LSAMP: variants seen among roughly 807,000 people sequenced by gnomAD.
The protein encoded by LSAMP is limbic system-associated membrane protein.
LSAMP carries 7 observed loss-of-function variants against 38.6 expected under a neutral mutation model. The observed-to-expected ratio is 0.18, with a 90% CI of 0.10 to 0.34. The LOEUF (loss-of-function observed/expected upper bound fraction) is 0.34, where lower values mean the gene tolerates loss of function less well. Ranked by LOEUF, LSAMP falls within the 10% of genes least tolerant of loss-of-function variation. The pLI is 1.00. For missense variants in LSAMP, 313 were observed against 420.0 expected (o/e 0.75, Z 2.23); for synonymous variants, 154 against 166.8 (o/e 0.92, Z 0.59).
chr3:116,079,680 T>C (rs1236951410), intron 2 of LSAMP, among the ~76,000 whole-genome samples: 3 of 151,018 alleles, frequency 2.0e-5, no homozygotes, highest in African/African-American at 7.3e-5. Context: ...TTGTATTTTG[T>C]ATACTTAAAT....
chr3:115,938,173 GA>G (rs748608244), intron 3 of LSAMP, among the ~76,000 whole-genome samples: 2 of 152,086 alleles, frequency 1.3e-5, no homozygotes, highest in African/African-American at 2.4e-5. Flanking sequence ...GTCCAAAACA[GA>G]AAATGAATAG....
intron 3 of LSAMP, among the ~76,000 whole-genome samples, chr3:115,899,505 A>G (rs532317129): frequency 3.3e-5 from 5 of 152,278 alleles, no homozygotes; most frequent in African/African-American, 1.2e-4. Context: ...AGCTGTGATT[A>G]CCCTTGTATA....
chr3:116,275,370 G>A (rs1308964608), intron 1 of LSAMP, among the ~76,000 whole-genome samples: 1 of 151,978 alleles, frequency 6.6e-6, no homozygotes, highest in Non-Finnish European at 1.5e-5. Context: ...CCACATTTTT[G>A]TTTTCTCTAT....
rs185570450 is a variant in LSAMP at position 116,393,483 on chromosome 3, C to T, written c.155+51394G>A. On this transcript the variant is annotated intron_variant, in intron 1 of 6. Coordinates refer to ENST00000490035, the MANE Select transcript of LSAMP (RefSeq NM_002338.5). ...CCTGGACCCCACGCTTGCTCACATA[C>T]CCCTCACTGCCCCATGTCTGACTTA... Among the ~76,000 whole-genome samples the T allele has an allele frequency of 1.9e-3, 290 of 152,300 alleles. 1 individual carries two copies. The highest frequency in any genetic ancestry group is 3.4e-3 in the Middle Eastern group (1 of 294).
At chr3:115,910,008 G>A (rs1257403792) in intron 3 of LSAMP, among the ~76,000 whole-genome samples, 1 of 152,148 alleles carries the variant, frequency 6.6e-6, no homozygotes, top group Non-Finnish European at 1.5e-5. Context: ...GCTCATATCA[G>A]TGTTGTTGGT....
chr3:116,225,295 A>G (rs1217253272), intron 1 of LSAMP, among the ~76,000 whole-genome samples: 2 of 152,264 alleles, frequency 1.3e-5, no homozygotes, highest in Non-Finnish European at 2.9e-5. Context: ...ATAGCAGAGG[A>G]CATTTTAAAC....
At position 116,153,554 on chromosome 3, in the gene LSAMP, T is replaced by C. The variant is rs144602723; in HGVS notation, c.156-66998A>G. 2.0e-5 allele frequency among the ~76,000 whole-genome samples: 3 copies of C among 152,256 alleles called. No individual in the cohort carries two copies. In the East Asian group the frequency reaches 5.8e-4, roughly 29 times the overall value. ...GAAAGACCACACATATCTCACAAAT[T>C]CGTGGAAAACTATGTGTCCTCATAT... On this transcript the variant is annotated intron_variant, in intron 1 of 6. Transcript: ENST00000490035.
chr3:116,142,684 C>T (rs1003671327), intron 1 of LSAMP, among the ~76,000 whole-genome samples: 1 of 151,940 alleles, frequency 6.6e-6, no homozygotes, highest in East Asian at 1.9e-4. Flanking sequence ...AGTTTAAAAT[C>T]CTCTCATCAT....
intron 1 of LSAMP, among the ~76,000 whole-genome samples, chr3:116,373,229 A>C (rs564623217): frequency 6.6e-6 from 1 of 151,600 alleles, no homozygotes; most frequent in Non-Finnish European, 1.5e-5. Flanking sequence ...ATATATATAT[A>C]TATGCACACA....
At chr3:116,399,763 TG>T (rs947196251) in intron 1 of LSAMP, among the ~76,000 whole-genome samples, 1 of 152,214 alleles carries the variant, frequency 6.6e-6, no homozygotes, top group African/African-American at 2.4e-5. Flanking sequence ...CAAACGCTAC[TG>T]ACCAGCAGTC....
chr3:115,970,541 T>C (rs543736641), intron 3 of LSAMP, among the ~76,000 whole-genome samples: 1 of 152,246 alleles, frequency 6.6e-6, no homozygotes, highest in African/African-American at 2.4e-5. Context: ...TTTCATGCCC[T>C]TGGACCTTAG....
rs186411412 is a variant in LSAMP at position 116,096,085 on chromosome 3, C to A, written c.156-9529G>T. Among the ~76,000 whole-genome samples the A allele has an allele frequency of 8.8e-4, 134 of 152,194 alleles. 1 individual carries two copies. The highest frequency in any genetic ancestry group is 3.2e-3 in the African/African-American group (132 of 41,522). On this transcript the variant is annotated intron_variant, in intron 1 of 6. Coordinates refer to ENST00000490035, the MANE Select transcript of LSAMP (RefSeq NM_002338.5). ...CATAGTATCTACCTTGTTTGGCACTCGTAATGTTTAAAAGGGTTTTAAAAA... is the reference window on the plus strand; with the variant it reads ...CATAGTATCTACCTTGTTTGGCACTAGTAATGTTTAAAAGGGTTTTAAAAA...
intron 3 of LSAMP, among the ~76,000 whole-genome samples, chr3:115,966,665 C>G (rs4306853): frequency 0.26 from 38,909 of 152,022 alleles, 5,897 homozygotes; most frequent in African/African-American, 0.44. Context: ...ATGTTTTTAT[C>G]CAATGAACTA....
At chr3:116,396,947 T>C (rs2048775941) in intron 1 of LSAMP, among the ~76,000 whole-genome samples, 2 of 152,318 alleles carry the variant, frequency 1.3e-5, no homozygotes, top group South Asian at 4.1e-4. Flanking sequence ...AAATTCAAAA[T>C]ACGATCAATT....
chr3:116,367,091 C>A (rs1433265870), intron 1 of LSAMP, among the ~76,000 whole-genome samples: 1 of 152,116 alleles, frequency 6.6e-6, no homozygotes, highest in Non-Finnish European at 1.5e-5. Context: ...CAAACCATTC[C>A]ATAACGATCG....
intron 3 of LSAMP, among the ~76,000 whole-genome samples, chr3:115,864,615 G>C (rs938362323): frequency 1.3e-5 from 2 of 152,130 alleles, no homozygotes; most frequent in African/African-American, 4.8e-5. Context: ...TCTAGCTCAA[G>C]TCTTCTAAAC....
At chr3:116,128,497 C>T (rs1709055847) in intron 1 of LSAMP, among the ~76,000 whole-genome samples, 1 of 152,200 alleles carries the variant, frequency 6.6e-6, no homozygotes, top group Non-Finnish European at 1.5e-5. Context: ...TGGGTTTGAT[C>T]ATGTCATTCA....
At chr3:116,258,419 T>C (rs2046783333) in intron 1 of LSAMP, among the ~76,000 whole-genome samples, 1 of 152,058 alleles carries the variant, frequency 6.6e-6, no homozygotes, top group Non-Finnish European at 1.5e-5. Flanking sequence ...ATTTCCTCCA[T>C]TTTAAAAATT....
intron 3 of LSAMP, among the ~76,000 whole-genome samples, chr3:116,019,081 C>G (rs1213819312): frequency 1.4e-5 from 2 of 145,030 alleles, no homozygotes; most frequent in Non-Finnish European, 3.0e-5. Context: ...CCCCAAGACA[C>G]TGAATCACCA....
Sources: allele counts gnomAD v4.1 joint callset (sites outside exome capture counted in the v4.1 genomes callset), GRCh38; gene constraint gnomAD v4.1.1; transcripts MANE v1.5; gene names NCBI Gene and HGNC (gene_info 2026-07-23, HGNC 2026-07-21).